PCDHGA11: variants seen among roughly 807,000 people sequenced by gnomAD.
PCDHGA11 encodes the protein protocadherin gamma-A11.
A neutral mutation model predicts 60.4 loss-of-function variants in PCDHGA11; 39 were observed. The ratio of observed to expected loss-of-function variants is 0.65; its 90% confidence interval spans 0.50 to 0.84. PCDHGA11 has a LOEUF of 0.84. Ranked by LOEUF, PCDHGA11 falls within the 40% of genes least tolerant of loss-of-function variation. PCDHGA11 has a pLI of 0.00. For missense variants in PCDHGA11, 1,165 were observed against 1,197.7 expected, an observed-to-expected ratio of 0.97 and a Z score of 0.40; for synonymous variants, 533 against 510.3, an observed-to-expected ratio of 1.04 and a Z score of -0.60.
chr5:141,441,700 T>TCAAG (rs1409793305), intron 1 of PCDHGA11: 1 of 308,660 alleles, frequency 3.2e-6, no homozygotes, highest in African/African-American at 2.3e-5. Context: ...CCGCGAGCCT[T>TCAAG]CAAGCTCACG....
At chr5:141,446,365 G>T (rs2098499873) in intron 1 of PCDHGA11, among the ~76,000 whole-genome samples, 1 of 152,194 alleles carries the variant, frequency 6.6e-6, no homozygotes, top group Non-Finnish European at 1.5e-5. Flanking sequence ...GATGAGAATG[G>T]AAGACTAAAG....
At chr5:141,453,087 T>G (rs2098755775) in intron 1 of PCDHGA11, among the ~76,000 whole-genome samples, 1 of 152,150 alleles carries the variant, frequency 6.6e-6, no homozygotes, top group Non-Finnish European at 1.5e-5. Context: ...TTGATTAGTA[T>G]ATTTTCTGTT....
Position 141,491,401 on chromosome 5 carries a change from G to A in PCDHGA11, c.2434-3406G>A. The A allele has an allele frequency of 6.2e-7, 1 of 1,614,100 alleles. No homozygotes were observed. ...GTCAGCGAAGTGCCTTCAGGGAAAC[G>A]CAGACGGGGACGGGGGTGGAGGGCA... On this transcript the variant is annotated intron_variant, in intron 1 of 3. Transcript: ENST00000398587. This position sits in a 1 kb window ranked among gnomAD's most constrained non-coding sequence, Gnocchi z 6.9.
chr5:141,502,601 A>G (rs2099815205), intron 2 of PCDHGA11, among the ~76,000 whole-genome samples: 1 of 152,218 alleles, frequency 6.6e-6, no homozygotes, highest in Non-Finnish European at 1.5e-5. Flanking sequence ...ATATTTTAAA[A>G]TATTTGTGAA....
intron 2 of PCDHGA11, among the ~76,000 whole-genome samples, chr5:141,501,838 G>C (rs888418141): frequency 6.6e-6 from 1 of 152,000 alleles, no homozygotes; most frequent in African/African-American, 2.4e-5. Flanking sequence ...CACCTGTTTG[G>C]CCCTCAACCT....
chr5:141,464,676 T>C (rs1337677151), intron 1 of PCDHGA11, among the ~76,000 whole-genome samples: 3 of 152,176 alleles, frequency 2.0e-5, no homozygotes, highest in Non-Finnish European at 2.9e-5. Context: ...ATAATTTTAA[T>C]TAAAATTTCT....
chr5:141,482,546 A>G (rs1489817593), intron 1 of PCDHGA11, among the ~76,000 whole-genome samples: 1 of 151,868 alleles, frequency 6.6e-6, no homozygotes, highest in Non-Finnish European at 1.5e-5. Context: ...AAAAAAAAAA[A>G]AAAGATAATG....
Position 141,422,201 on chromosome 5 carries a change from G to A in PCDHGA11, c.974G>A (p.Gly325Asp). The change falls in exon 1 of 4, where the codon GGT becomes GAT. Residue 325 changes from glycine to aspartate, a missense_variant. Transcript: ENST00000398587. Reference protein sequence around the residue: ...FYEMEIQGQDGGGLFTTTTML... With the variant: ...FYEMEIQGQDDGGLFTTTTML... ...GAGATGGAAATTCAAGGCCAAGATG[G>A]TGGAGGTCTCTTTACCACCACGACG... 1 of 1,562,386 alleles carries A rather than the reference G, an allele frequency of 6.4e-7. No homozygotes were observed. Among genetic ancestry groups the A allele is most frequent in the Non-Finnish European group, 8.6e-7 (1 of 1,159,340 alleles).
chr5:141,483,530 GC>G (rs1384645281), intron 1 of PCDHGA11, among the ~76,000 whole-genome samples: 2 of 152,158 alleles, frequency 1.3e-5, no homozygotes, highest in African/African-American at 4.8e-5. Flanking sequence ...GACTAAGGAA[GC>G]TGGGTGGTTG....
chr5:141,427,304 C>T, intron 1 of PCDHGA11: 1 of 456,910 alleles, frequency 2.2e-6, no homozygotes, highest in Non-Finnish European at 4.4e-6. Flanking sequence ...ATGAGAATGA[C>T]AATGCCCCAG....
chr5:141,482,049 C>G (rs1456071625), intron 1 of PCDHGA11, among the ~76,000 whole-genome samples: 2 of 149,284 alleles, frequency 1.3e-5, no homozygotes, highest in Non-Finnish European at 3.0e-5. Context: ...CATGCTGTTG[C>G]ATTCCAGCCT....
intron 1 of PCDHGA11, among the ~76,000 whole-genome samples, chr5:141,473,383 C>A (rs976400317): frequency 3.3e-5 from 5 of 152,200 alleles, no homozygotes; most frequent in African/African-American, 9.6e-5. Context: ...GGTCCCTGCC[C>A]TCCTGGAGCT....
rs747938944 is a variant in PCDHGA11 at position 141,423,184 on chromosome 5, C to T, written c.1957C>T (p.Pro653Ser). The stretch of plus-strand genomic sequence containing the variant: ...GGTGGCCGTCCAGGACCACGGCCAG[C>T]CCCCTCTCTCGGCCACCGTCACGCT... Reference protein sequence around the residue: ...LVVAVQDHGQPPLSATVTLTV... With the variant: ...LVVAVQDHGQSPLSATVTLTV... The change falls in exon 1 of 4, where the codon CCC (proline) becomes TCC (serine). Residue 653 changes from proline to serine, a missense_variant. Coordinates refer to ENST00000398587, the MANE Select transcript of PCDHGA11 (RefSeq NM_018914.3). 9.3e-6 allele frequency: 15 copies of T among 1,613,442 alleles called. No individual in the cohort carries two copies. Among genetic ancestry groups the T allele is most frequent in the Non-Finnish European group, 1.2e-5 (14 of 1,179,960 alleles).
intron 2 of PCDHGA11, among the ~76,000 whole-genome samples, chr5:141,498,847 C>T (rs932801278): frequency 1.3e-5 from 2 of 151,856 alleles, no homozygotes; most frequent in Admixed American, 1.3e-4. Flanking sequence ...GCAGGGGAAT[C>T]GCTTGAACCC....
chr5:141,486,263 G>GAACCTGGC lies in PCDHGA11; in HGVS notation c.2434-8542_2434-8535dup. 6.2e-7 allele frequency: 1 copy of GAACCTGGC among 1,614,090 alleles called. No homozygotes were observed. Among genetic ancestry groups the GAACCTGGC allele is most frequent in the South Asian group, 1.1e-5 (1 of 91,064 alleles). On this transcript the variant is annotated intron_variant, in intron 1 of 3. Coordinates refer to ENST00000398587, the MANE Select transcript of PCDHGA11 (RefSeq NM_018914.3). This position sits in a 1 kb window ranked among gnomAD's most constrained non-coding sequence, Gnocchi z 5.0. ...GCTTGGAACCCTCCCCGAGAGTGCAGAACCTGGCACTGTGGTGGCACTTAT... is the reference window on the plus strand; with the variant it reads ...GCTTGGAACCCTCCCCGAGAGTGCAGAACCTGGCAACCTGGCACTGTGGTGGCACTTAT...
chr5:141,424,616 T>C (rs1487572877), intron 1 of PCDHGA11: 1 of 152,152 alleles, frequency 6.6e-6, no homozygotes, highest in Non-Finnish European at 1.5e-5. Flanking sequence ...TCAAATAGAG[T>C]AGTTTGTGAA....
intron 1 of PCDHGA11, chr5:141,441,868 C>A: frequency 3.0e-6 from 1 of 338,212 alleles, no homozygotes; most frequent in Non-Finnish European, 5.8e-6. Flanking sequence ...CGCCGCGGAG[C>A]CTGGCTACCT....
In PCDHGA11 at chr5:141,423,360, G is replaced by A. The variant is rs762976655; in HGVS notation, c.2133G>A (p.Val711=). ...VSCIFLVFVI[V]LLALRLWRWH... ...GCATCTTCCTGGTCTTTGTCATCGT[G>A]CTGCTGGCACTCAGGCTGTGGCGCT... is the stretch of plus-strand genomic sequence containing the variant. The change falls in exon 1 of 4, where the codon GTG becomes GTA. Residue 711 remains valine (V), a synonymous_variant. Transcript: ENST00000398587. 6.2e-7 allele frequency: 1 copy of A among 1,614,224 alleles called. No homozygotes were observed. Among genetic ancestry groups the A allele is most frequent in the Non-Finnish European group, 8.5e-7 (1 of 1,180,034 alleles).
At chr5:141,504,570 AC>A (rs1468526948) in intron 2 of PCDHGA11, among the ~76,000 whole-genome samples, 1 of 148,874 alleles carries the variant, frequency 6.7e-6, no homozygotes, top group Admixed American at 6.9e-5. Flanking sequence ...ATTCTAGGGA[AC>A]ACCATCTGCC....
Sources: gnomAD v4.1 joint callset for allele counts (sites outside exome capture counted in the v4.1 genomes callset) on GRCh38, gnomAD v4.1.1 for gene constraint, Gnocchi (gnomAD v3.1) non-coding constraint, MANE v1.5 for transcripts, NCBI Gene and HGNC (gene_info 2026-07-23, HGNC 2026-07-21) for gene names.